The following XKR4 variants were observed in gnomAD, a reference collection of about 807,000 sequenced individuals.
XKR4 encodes the protein XK-related protein 4.
XKR4 carries 12 observed loss-of-function variants against 53.9 expected under a neutral mutation model. The ratio of observed to expected loss-of-function variants is 0.22; its 90% CI spans 0.14 to 0.36. XKR4 has a LOEUF of 0.36. Among genes scored for constraint, XKR4 ranks in the 10% least tolerant of loss-of-function variants. The pLI, the probability that XKR4 is intolerant of heterozygous loss-of-function variation, is 1.00. For synonymous variants in XKR4, 354 were observed against 362.4 expected, an observed-to-expected ratio of 0.98 and a Z score of 0.26; for missense variants, 799 against 859.5, an observed-to-expected ratio of 0.93 and a Z score of 0.88.
At chr8:55,126,947 CAAAG>C (rs1816475333) in intron 1 of XKR4, among the ~76,000 whole-genome samples, 2 of 152,130 alleles carry the variant, frequency 1.3e-5, no homozygotes, top group Non-Finnish European at 2.9e-5. Flanking sequence ...TTTTATAAAA[CAAAG>C]AGAGTTCACA....
chr8:55,412,221 G>A (rs926351658), intron 2 of XKR4, among the ~76,000 whole-genome samples: 10 of 152,010 alleles, frequency 6.6e-5, no homozygotes, highest in East Asian at 1.9e-4. Flanking sequence ...AAAACCAACC[G>A]TTTACCAAGC....
intron 1 of XKR4, among the ~76,000 whole-genome samples, chr8:55,165,053 G>T (rs531298288): frequency 6.6e-6 from 1 of 152,148 alleles, no homozygotes; most frequent in East Asian, 1.9e-4. Context: ...AGAATGGGCA[G>T]CCCTAGGAAG....
chr8:55,374,148 C>T (rs1337522171), intron 2 of XKR4, among the ~76,000 whole-genome samples: 1 of 152,196 alleles, frequency 6.6e-6, no homozygotes, highest in African/African-American at 2.4e-5. Context: ...GTGTCTTCAT[C>T]AAGACCTGAA....
At chr8:55,429,231 C>T (rs1230600283) in intron 2 of XKR4, among the ~76,000 whole-genome samples, 1 of 152,136 alleles carries the variant, frequency 6.6e-6, no homozygotes, top group African/African-American at 2.4e-5. Flanking sequence ...CAATAACAAA[C>T]AAAAACCTTC....
chr8:55,124,474 G>T (rs1248668879), intron 1 of XKR4, among the ~76,000 whole-genome samples: 1 of 152,116 alleles, frequency 6.6e-6, no homozygotes, highest in Non-Finnish European at 1.5e-5. Context: ...GCTCATGATT[G>T]TTTATTATTA....
chr8:55,334,128 C>T (rs4645542), intron 1 of XKR4, among the ~76,000 whole-genome samples: 1 of 151,958 alleles, frequency 6.6e-6, no homozygotes, highest in Admixed American at 6.6e-5. Flanking sequence ...TTAAACAAAC[C>T]TAAGTTATAA....
At chr8:55,185,682 G>C (rs982133285) in intron 1 of XKR4, among the ~76,000 whole-genome samples, 1 of 152,156 alleles carries the variant, frequency 6.6e-6, no homozygotes, top group Non-Finnish European at 1.5e-5. Flanking sequence ...TAGGTAAAAG[G>C]TACCTGTTTT....
intron 2 of XKR4, among the ~76,000 whole-genome samples, chr8:55,466,643 A>AT (rs1805776503): frequency 6.6e-6 from 1 of 152,114 alleles, no homozygotes; most frequent in Admixed American, 6.5e-5. Flanking sequence ...TAATTAAAAA[A>AT]ATATATATGG....
At chr8:55,117,403 G>A (rs947311649) in intron 1 of XKR4, among the ~76,000 whole-genome samples, 5 of 152,198 alleles carry the variant, frequency 3.3e-5, no homozygotes, top group African/African-American at 7.2e-5. Context: ...CCTAATATGA[G>A]TAAAGCTCAT....
intron 1 of XKR4, among the ~76,000 whole-genome samples, chr8:55,332,800 G>A (rs944339189): frequency 4.0e-5 from 6 of 151,534 alleles, no homozygotes; most frequent in African/African-American, 1.5e-4. Context: ...ATTTCCTCAA[G>A]TAATCCCTCT....
At chr8:55,253,201 G>A (rs527400631) in intron 1 of XKR4, among the ~76,000 whole-genome samples, 22 of 151,852 alleles carry the variant, frequency 1.4e-4, no homozygotes, top group Non-Finnish European at 2.5e-4. Context: ...TTTTCCTTCC[G>A]ACGTAAATAT....
chr8:55,118,621 A>G lies in XKR4; in HGVS notation c.806+15327A>G, dbSNP rs568726311. ...TCAGATACAGCTAGTCTTTGTATAA[A>G]CAATGCCAAACGTTCATTTCTAAAA... On this transcript the variant is annotated intron_variant, in intron 1 of 2. Coordinates refer to ENST00000327381, the MANE Select transcript of XKR4 (RefSeq NM_052898.2). Among the ~76,000 whole-genome samples the G allele has an allele frequency of 3.9e-5, 6 of 152,352 alleles. No individual in the cohort carries two copies. In the South Asian group the frequency reaches 1.2e-3, roughly 32 times the overall value.
Position 55,247,860 on chromosome 8 carries a change from T to C in XKR4, c.807-109818T>C, listed in dbSNP as rs868826935. Among the ~76,000 whole-genome samples the C allele has an allele frequency of 1.7e-3, 175 of 105,430 alleles. 2 individuals carry two copies. Among genetic ancestry groups the C allele is most frequent in the South Asian group, 7.2e-3 (18 of 2,486 alleles). 69.2% of individuals were successfully genotyped at this position (105,430 alleles called of 152,430 possible). A position where few individuals can be genotyped will look rare whatever the true frequency, so the allele number is the denominator to read the frequency against. On this transcript the variant is annotated intron_variant, in intron 1 of 2. Transcript: ENST00000327381. Reference sequence around the variant, plus strand: ...TTTTCTTTCTTTCTTTCTTTCTTTTTTTTTTTTTTTTTTTGAGACAGAGTC... The same window carrying C: ...TTTTCTTTCTTTCTTTCTTTCTTTTCTTTTTTTTTTTTTTGAGACAGAGTC...
At chr8:55,176,869 G>C (rs1397195601) in intron 1 of XKR4, among the ~76,000 whole-genome samples, 1 of 152,016 alleles carries the variant, frequency 6.6e-6, no homozygotes. Flanking sequence ...CTTACTCCGT[G>C]GCTCATTCGC....
At chr8:55,342,173 A>T (rs1164015154) in intron 1 of XKR4, among the ~76,000 whole-genome samples, 2 of 152,082 alleles carry the variant, frequency 1.3e-5, no homozygotes, top group South Asian at 4.2e-4. Flanking sequence ...AACATCTTGG[A>T]GTCAGCATTG....
chr8:55,495,500 C>A (rs10111423), intron 2 of XKR4, among the ~76,000 whole-genome samples: 3,577 of 152,330 alleles, frequency 0.023, 153 homozygotes, highest in African/African-American at 0.082. Context: ...CCCTCTCTAC[C>A]CATTCCTCCG....
intron 1 of XKR4, among the ~76,000 whole-genome samples, chr8:55,192,859 G>C (rs56189598): frequency 0.037 from 5,569 of 152,256 alleles, 229 homozygotes; most frequent in East Asian, 0.11. Context: ...GAGCGTTGTA[G>C]GGTGGAAGAG....
At chr8:55,311,545 A>C (rs990826786) in intron 1 of XKR4, among the ~76,000 whole-genome samples, 11 of 152,204 alleles carry the variant, frequency 7.2e-5, no homozygotes, top group African/African-American at 2.2e-4. Flanking sequence ...GCAGTGAATC[A>C]GGTGAGTTAA....
At chr8:55,163,904 G>A (rs1301027874) in intron 1 of XKR4, among the ~76,000 whole-genome samples, 1 of 152,140 alleles carries the variant, frequency 6.6e-6, no homozygotes, top group Non-Finnish European at 1.5e-5. Context: ...ATGTTAATTA[G>A]TACCAATAAT....
Sources: gnomAD v4.1 joint callset for allele counts (sites outside exome capture counted in the v4.1 genomes callset) on GRCh38, gnomAD v4.1.1 for gene constraint, MANE v1.5 for transcripts, NCBI Gene and HGNC (gene_info 2026-07-23, HGNC 2026-07-21) for gene names.